Variants in TSNAX observed in about 807,000 individuals in gnomAD.
TSNAX encodes the protein translin associated factor X, also known as translin-associated protein X.
TSNAX carries 12 observed loss-of-function variants against 33.0 expected under a neutral mutation model. The ratio of observed to expected loss-of-function variants is 0.36; its 90% CI spans 0.23 to 0.59. The LOEUF (loss-of-function observed/expected upper bound fraction) is 0.59, where lower values mean the gene tolerates loss of function less well. Among genes scored for constraint, TSNAX ranks in the 20% least tolerant of loss-of-function variants. TSNAX has a pLI of 0.74. For missense variants in TSNAX, 267 were observed against 341.3 expected, an observed-to-expected ratio of 0.78 and a Z score of 1.72; for synonymous variants, 110 against 117.2, an observed-to-expected ratio of 0.94 and a Z score of 0.40.
intron 2 of TSNAX, among the ~76,000 whole-genome samples, chr1:231,532,258 C>T (rs1432430875): frequency 6.2e-5 from 9 of 145,104 alleles, no homozygotes; most frequent in Non-Finnish European, 1.3e-4. Flanking sequence ...GTGGCGTGAT[C>T]TTGGCTCACT....
At chr1:231,543,139 C>T (rs1307906068) in intron 4 of TSNAX, among the ~76,000 whole-genome samples, 2 of 151,404 alleles carry the variant, frequency 1.3e-5, no homozygotes, top group African/African-American at 2.4e-5. Context: ...GATCGCACCA[C>T]TGCACTCCAG....
chr1:231,542,186 T>G (rs1489998139), intron 3 of TSNAX, among the ~76,000 whole-genome samples: 1 of 152,222 alleles, frequency 6.6e-6, no homozygotes, highest in Non-Finnish European at 1.5e-5. Flanking sequence ...GGAGGGAGGA[T>G]AAATCCAGTC....
intron 3 of TSNAX, among the ~76,000 whole-genome samples, chr1:231,539,131 T>C (rs1415336359): frequency 6.6e-6 from 1 of 152,210 alleles, no homozygotes; most frequent in East Asian, 1.9e-4. Flanking sequence ...TCTCATATCA[T>C]TCTTAGATAG....
At chr1:231,548,382 C>T (rs1558129373) in intron 4 of TSNAX, among the ~76,000 whole-genome samples, 2 of 152,128 alleles carry the variant, frequency 1.3e-5, no homozygotes, top group African/African-American at 4.8e-5. Context: ...AGAGACTTAG[C>T]TTTAGAACCT....
At chr1:231,532,186 A>ACACACACACACACACAC in intron 2 of TSNAX, among the ~76,000 whole-genome samples, 1 of 115,952 alleles carries the variant, frequency 8.6e-6, no homozygotes. Flanking sequence ...ACACACACAC[A>ACACACACACACACACAC]GTTTTGGTTT....
At chr1:231,533,095 C>G (rs1658890092) in intron 2 of TSNAX, among the ~76,000 whole-genome samples, 1 of 143,552 alleles carries the variant, frequency 7.0e-6, no homozygotes, top group Non-Finnish European at 1.5e-5. Flanking sequence ...GAGATGGACT[C>G]TCACTCTGTC....
At chr1:231,545,895 G>A (rs1659878073) in intron 4 of TSNAX, among the ~76,000 whole-genome samples, 1 of 152,214 alleles carries the variant, frequency 6.6e-6, no homozygotes, top group East Asian at 1.9e-4. Context: ...AGGCTCACAA[G>A]TTATGCTCAG....
intron 4 of TSNAX, among the ~76,000 whole-genome samples, chr1:231,543,340 AT>A (rs1249576597): frequency 1.4e-4 from 21 of 151,562 alleles, no homozygotes; most frequent in Non-Finnish European, 2.5e-4. Context: ...CAGGTTCAGT[AT>A]CCCTTATCCA....
chr1:231,564,975 TATTTC>T lies in TSNAX; in HGVS notation c.*75_*79del. 6.6e-7 allele frequency: 1 copy of T among 1,510,848 alleles called. No homozygotes were observed. Among genetic ancestry groups the T allele is most frequent in the South Asian group, 1.3e-5 (1 of 75,218 alleles). 93.6% of individuals were successfully genotyped at this position (1,510,848 alleles called of 1,614,324 possible). A position where few individuals can be genotyped will look rare whatever the true frequency, so the allele number is the denominator to read the frequency against. The stretch of plus-strand genomic sequence containing the variant: ...AGACCAATTTGTAAGACTTATTTAG[TATTTC>T]ATTTAACTTTATTGTGGCTTTTACA... On this transcript the variant is annotated 3_prime_UTR_variant, in exon 6 of 6. Transcript: ENST00000366639.
At chr1:231,541,975 A>G (rs908894035) in intron 3 of TSNAX, among the ~76,000 whole-genome samples, 5 of 151,898 alleles carry the variant, frequency 3.3e-5, no homozygotes, top group Admixed American at 3.3e-4. Context: ...CTCCTTTTCT[A>G]CTCAGGCTGA....
At chr1:231,544,834 G>A (rs2124909517) in intron 4 of TSNAX, among the ~76,000 whole-genome samples, 1 of 152,346 alleles carries the variant, frequency 6.6e-6, no homozygotes, top group Admixed American at 6.5e-5. Flanking sequence ...AGGAAGTGCT[G>A]TACTCTTGGA....
At chr1:231,561,058 A>G in intron 4 of TSNAX, 70 bp from the exon 5 acceptor site, 1 of 1,492,128 alleles carries the variant, frequency 6.7e-7, no homozygotes, top group Non-Finnish European at 9.1e-7. Context: ...ATCAATATGA[A>G]GTTTTTTTAT....
chr1:231,529,438 C>T, intron 2 of TSNAX, 79 bp downstream of exon 2: 1 of 1,400,486 alleles, frequency 7.1e-7, no homozygotes, highest in Admixed American at 1.9e-5. Context: ...GAAAACAGTC[C>T]CTAAGAATTT....
chr1:231,528,906 C>T, intron 1 of TSNAX, 80 bp downstream of exon 1: 2 of 1,580,824 alleles, frequency 1.3e-6, no homozygotes, highest in Non-Finnish European at 1.7e-6. Flanking sequence ...TTCCCCTTTT[C>T]ACCCTTGAAG....
chr1:231,530,812 C>T (rs1405496992), intron 2 of TSNAX, among the ~76,000 whole-genome samples: 1 of 151,892 alleles, frequency 6.6e-6, no homozygotes, highest in East Asian at 2.0e-4. Flanking sequence ...CGCTTGAACC[C>T]GGAACGCGGA....
chr1:231,542,316 A>C (rs1659627496), intron 3 of TSNAX, 165 bp from the exon 4 acceptor site: 1 of 651,012 alleles, frequency 1.5e-6, no homozygotes, highest in African/African-American at 1.9e-5. Context: ...ACAGTGTGTT[A>C]ATAACATTTT....
chr1:231,528,989 A>T (rs547262506), intron 1 of TSNAX, among the ~76,000 whole-genome samples, 163 bp downstream of exon 1: 1 of 151,912 alleles, frequency 6.6e-6, no homozygotes, highest in African/African-American at 2.4e-5. Context: ...CCCTGTTTAC[A>T]CCTCCTTTTT....
intron 1 of TSNAX, 21 bp from the exon 2 acceptor site, chr1:231,529,234 T>C (rs1424292544): frequency 6.2e-7 from 1 of 1,608,072 alleles, no homozygotes. Context: ...GATCCCTCTC[T>C]TTTTTTCTTC....
chr1:231,557,047 G>C (rs964717792), intron 4 of TSNAX, among the ~76,000 whole-genome samples: 1 of 152,140 alleles, frequency 6.6e-6, no homozygotes, highest in Non-Finnish European at 1.5e-5. Flanking sequence ...AAGAATAGAT[G>C]GGGGGAGACC....
Sources: allele counts gnomAD v4.1 joint callset (sites outside exome capture counted in the v4.1 genomes callset), GRCh38; gene constraint gnomAD v4.1.1; transcripts MANE v1.5; gene names NCBI Gene and HGNC (gene_info 2026-07-23, HGNC 2026-07-21).